ANXA8: variants seen among roughly 807,000 people sequenced by gnomAD.
The protein encoded by ANXA8 is VAC-beta.
In ANXA8, 9 loss-of-function variants were observed where a neutral mutation model predicts 26.8. That is an observed-to-expected ratio of 0.34 (90% confidence interval 0.20 to 0.59). The LOEUF (loss-of-function observed/expected upper bound fraction) is 0.59. Among genes scored for constraint, ANXA8 ranks in the 20% least tolerant of loss-of-function variants. The probability of loss-of-function intolerance (pLI) is 0.84; values close to 1 mark genes in which losing one functional copy is unlikely to be tolerated. For missense variants in ANXA8, 83 were observed against 238.5 expected, an observed-to-expected ratio of 0.35 and a Z score of 4.29; for synonymous variants, 39 against 94.8, an observed-to-expected ratio of 0.41 and a Z score of 3.42.
At chr10:47,689,854 C>G in the ANXA8 span, 1 of 1,164,242 alleles carries the variant, frequency 8.6e-7, no homozygotes, top group East Asian at 2.4e-5. Context: ...TTCTTTATAT[C>G]TGAAGGATGA....
chr10:47,951,598 C>A, the ANXA8 span, among the ~76,000 whole-genome samples: 2 of 150,430 alleles, frequency 1.3e-5, no homozygotes, highest in Admixed American at 6.6e-5. Context: ...TCACTTGAGG[C>A]CAGGAGTTCA....
the ANXA8 span, among the ~76,000 whole-genome samples, chr10:47,988,654 C>T: frequency 7.1e-6 from 1 of 140,860 alleles, no homozygotes; most frequent in Non-Finnish European, 1.6e-5. Flanking sequence ...AGTGGAGAGA[C>T]TCCACTTTGT....
the ANXA8 span, among the ~76,000 whole-genome samples, chr10:47,528,017 G>C: frequency 1.4e-5 from 2 of 144,210 alleles, no homozygotes; most frequent in South Asian, 2.2e-4. Context: ...TGTGACACTA[G>C]AGCTATTTCT....
At chr10:47,704,583 T>C in the ANXA8 span, among the ~76,000 whole-genome samples, 1 of 151,072 alleles carries the variant, frequency 6.6e-6, no homozygotes, top group Admixed American at 6.6e-5. Context: ...ATGTAAAGAT[T>C]GGAAAGGTAG....
the ANXA8 span, among the ~76,000 whole-genome samples, chr10:47,546,396 ATTTT>A: frequency 1.7e-5 from 1 of 59,554 alleles, no homozygotes; most frequent in Admixed American, 2.4e-4. Context: ...GATAAGACCA[ATTTT>A]TTTTTTTTTT....
chr10:47,664,317 G>T, the ANXA8 span, among the ~76,000 whole-genome samples: 10 of 152,198 alleles, frequency 6.6e-5, no homozygotes, highest in African/African-American at 2.4e-4. Context: ...GGTGGAGGTT[G>T]CAGTGAGTTG....
At chr10:47,529,312 GAC>G in the ANXA8 span, among the ~76,000 whole-genome samples, 1 of 149,032 alleles carries the variant, frequency 6.7e-6, no homozygotes, top group South Asian at 2.1e-4. Context: ...AACATTTGAT[GAC>G]AGTCAAGAGA....
the ANXA8 span, among the ~76,000 whole-genome samples, chr10:47,973,949 C>A: frequency 6.6e-6 from 1 of 151,030 alleles, no homozygotes. Flanking sequence ...AATTTCAGAG[C>A]TTGATATTGG....
chr10:47,653,237 G>A, the ANXA8 span, among the ~76,000 whole-genome samples: 1 of 149,962 alleles, frequency 6.7e-6, no homozygotes. Flanking sequence ...ACTTGAACTC[G>A]GGAGGTAGAG....
the ANXA8 span, among the ~76,000 whole-genome samples, chr10:47,504,431 C>A: frequency 8.2e-6 from 1 of 122,624 alleles, no homozygotes; most frequent in Non-Finnish European, 1.7e-5. Context: ...TGGTCTGTAC[C>A]GTGAAGCCTT....
At chr10:47,519,372 G>T in the ANXA8 span, among the ~76,000 whole-genome samples, 745 of 118,058 alleles carry the variant, frequency 6.3e-3, 26 homozygotes, top group Non-Finnish European at 8.7e-3. Flanking sequence ...GGAGGCTGAG[G>T]CAGGAGAATT....
At chr10:47,591,590 C>G in the ANXA8 span, among the ~76,000 whole-genome samples, 3 of 142,540 alleles carry the variant, frequency 2.1e-5, 1 homozygote, top group African/African-American at 9.0e-5. Flanking sequence ...ACTACAGGCA[C>G]CCGCCACCAG....
chr10:47,976,342 T>C, the ANXA8 span, among the ~76,000 whole-genome samples: 1 of 151,188 alleles, frequency 6.6e-6, no homozygotes, highest in Non-Finnish European at 1.5e-5. Context: ...TCAGTAAGAA[T>C]AGCAAATTTT....
At chr10:47,710,085 T>C in the ANXA8 span, 1 of 393,366 alleles carries the variant, frequency 2.5e-6, no homozygotes, top group East Asian at 4.0e-5. Flanking sequence ...CTATTGTACA[T>C]GTTTTAGAGA....
chr10:47,726,713 A>G, the ANXA8 span: 1 of 664,222 alleles, frequency 1.5e-6, no homozygotes, highest in Non-Finnish European at 2.7e-6. Flanking sequence ...AGAACATCCT[A>G]GAGTTGTTTT....
the ANXA8 span, among the ~76,000 whole-genome samples, chr10:47,546,684 C>T: frequency 1.5e-5 from 2 of 134,260 alleles, no homozygotes; most frequent in South Asian, 2.4e-4. Context: ...GGATTACAGG[C>T]GTGAGCCACC....
the ANXA8 span, among the ~76,000 whole-genome samples, chr10:47,918,419 AAGAAAGAAAGAAAG>A: frequency 0.016 from 534 of 33,890 alleles, 11 homozygotes; most frequent in Admixed American, 0.038. Context: ...GAAAGAAAGA[AAGAAAGAAAGAAAG>A]AGAGAGAGAA....
chr10:47,957,433 A>G, the ANXA8 span, among the ~76,000 whole-genome samples: 1 of 150,638 alleles, frequency 6.6e-6, no homozygotes, highest in East Asian at 2.0e-4. Flanking sequence ...GCTGGCCTCC[A>G]GGGCCCCACC....
the ANXA8 span, among the ~76,000 whole-genome samples, chr10:47,733,172 T>TC: frequency 1.9e-5 from 2 of 102,738 alleles, no homozygotes; most frequent in Non-Finnish European, 4.5e-5. Context: ...TTTCTTTCTT[T>TC]CTTTCTTTCT....
Sources: gnomAD v4.1 joint callset for allele counts (sites outside exome capture counted in the v4.1 genomes callset) on GRCh38, gnomAD v4.1.1 for gene constraint, MANE v1.5 for transcripts, NCBI Gene and HGNC (gene_info 2026-07-23, HGNC 2026-07-21) for gene names.